The following HIKESHI variants were observed in gnomAD, a reference collection of about 807,000 sequenced individuals.
HIKESHI encodes the protein heat shock protein nuclear import factor hikeshi, also known as protein Hikeshi.
A neutral mutation model predicts 25.7 loss-of-function variants in HIKESHI; 13 were observed. The observed-to-expected ratio is 0.51, with a 90% CI of 0.33 to 0.80. HIKESHI has a LOEUF of 0.80. Among genes scored for constraint, HIKESHI ranks in the 30% least tolerant of loss-of-function variants. HIKESHI has a pLI of 0.02. For missense variants in HIKESHI, 174 were observed against 229.5 expected (o/e 0.76, Z 1.56); for synonymous variants, 76 against 78.7 (o/e 0.97, Z 0.18).
At chr11:86,303,910 T>C (rs956342904) in intron 1 of HIKESHI, among the ~76,000 whole-genome samples, 8 of 152,192 alleles carry the variant, frequency 5.3e-5, no homozygotes, top group African/African-American at 1.7e-4. Flanking sequence ...CTATACAAAG[T>C]TGACACTTAA....
intron 2 of HIKESHI, among the ~76,000 whole-genome samples, chr11:86,327,536 G>T (rs562987650): frequency 2.0e-5 from 3 of 152,060 alleles, no homozygotes; most frequent in Admixed American, 2.0e-4. Flanking sequence ...GGATGGTCTC[G>T]ATCTCCTGAC....
At chr11:86,314,289 C>G (rs922886792) in intron 2 of HIKESHI, among the ~76,000 whole-genome samples, 1 of 151,988 alleles carries the variant, frequency 6.6e-6, no homozygotes, top group African/African-American at 2.4e-5. Context: ...GAGGAGGTAG[C>G]TGTTAGTGTT....
At chr11:86,305,528 A>G (rs1160722813) in intron 1 of HIKESHI, among the ~76,000 whole-genome samples, 2 of 148,580 alleles carry the variant, frequency 1.3e-5, no homozygotes, top group Non-Finnish European at 3.0e-5. Flanking sequence ...CTGGGATTAC[A>G]GGCACGTGCC....
intron 3 of HIKESHI, among the ~76,000 whole-genome samples, chr11:86,340,469 C>T (rs7117195): frequency 0.73 from 111,037 of 152,094 alleles, 41,053 homozygotes; most frequent in African/African-American, 0.84. Flanking sequence ...TGGTATCTCA[C>T]TGTGGTTTTG....
rs907072626 is a variant in HIKESHI, at chr11:86,302,434, G to T, written c.-15G>T. On this transcript the variant is annotated 5_prime_UTR_variant, in exon 1 of 5. Transcript: ENST00000278483. ...GGCTTCAGGTCACTGCCGGCTGAAC[G>T]GAGCTGCCGTCGCCATGTTTGGCTG... 2.6e-6 allele frequency: 4 copies of T among 1,552,840 alleles called. No individual in the cohort carries two copies. The highest frequency in any genetic ancestry group is 3.5e-6 in the Non-Finnish European group (4 of 1,147,838).
chr11:86,311,937 AT>A (rs1234425251), intron 2 of HIKESHI, among the ~76,000 whole-genome samples: 1 of 151,936 alleles, frequency 6.6e-6, no homozygotes. Flanking sequence ...GTTTGTTATA[AT>A]TTTTTTTCTT....
intron 2 of HIKESHI, among the ~76,000 whole-genome samples, chr11:86,309,201 T>TC (rs1413984633): frequency 2.0e-5 from 3 of 152,204 alleles, no homozygotes; most frequent in South Asian, 4.1e-4. Context: ...GTAAAAGTGT[T>TC]CTATTTCTCC....
chr11:86,304,209 T>C (rs905803259), intron 1 of HIKESHI, among the ~76,000 whole-genome samples: 6 of 152,184 alleles, frequency 3.9e-5, no homozygotes, highest in East Asian at 3.8e-4. Context: ...AACTAATAGA[T>C]AGTTGAAATT....
intron 3 of HIKESHI, among the ~76,000 whole-genome samples, chr11:86,339,330 G>T (rs1265490578): frequency 1.3e-5 from 2 of 152,208 alleles, no homozygotes; most frequent in Non-Finnish European, 2.9e-5. Flanking sequence ...TTTCAGGCGT[G>T]AGCCACCGCG....
In HIKESHI at chr11:86,302,376, A is replaced by G. The variant is rs1048841064; in HGVS notation, c.-73A>G. ...AAATTCTGGAAGGTTCTTAGTCTCG[A>G]CTAGGGCAGTAGCCCCAGGACTCCT... On this transcript the variant is annotated 5_prime_UTR_variant, in exon 1 of 5. Coordinates refer to ENST00000278483, the MANE Select transcript of HIKESHI (RefSeq NM_016401.4). 60 of 1,539,244 alleles carry G rather than the reference A, an allele frequency of 3.9e-5. No homozygotes were observed. The highest frequency in any genetic ancestry group is 5.2e-5 in the Non-Finnish European group (59 of 1,137,460).
chr11:86,315,683 A>AAGAGTTTACCACTTAT (rs58040097), intron 2 of HIKESHI, among the ~76,000 whole-genome samples: 2 of 151,764 alleles, frequency 1.3e-5, no homozygotes, highest in Non-Finnish European at 2.9e-5. Context: ...GATGAAGATG[A>AAGAGTTTACCACTTAT]AGACCATTAG....
chr11:86,341,692 C>G (rs936636796), intron 3 of HIKESHI, among the ~76,000 whole-genome samples: 1 of 152,062 alleles, frequency 6.6e-6, no homozygotes, highest in Non-Finnish European at 1.5e-5. Flanking sequence ...GTTGCCCAGA[C>G]TGTCCTTTCT....
At chr11:86,333,068 A>C (rs998346823) in intron 2 of HIKESHI, among the ~76,000 whole-genome samples, 2 of 152,220 alleles carry the variant, frequency 1.3e-5, no homozygotes, top group Admixed American at 6.5e-5. Context: ...GAAGTTTCAC[A>C]ATTATTAGAC....
chr11:86,319,362 C>A (rs990894213), intron 2 of HIKESHI, among the ~76,000 whole-genome samples: 1 of 150,474 alleles, frequency 6.6e-6, no homozygotes, highest in Non-Finnish European at 1.5e-5. Flanking sequence ...CTCAGCCTCC[C>A]GAGGAGCTAG....
intron 2 of HIKESHI, among the ~76,000 whole-genome samples, chr11:86,316,276 C>A (rs943583165): frequency 4.8e-4 from 73 of 151,198 alleles, no homozygotes; most frequent in African/African-American, 1.8e-3. Context: ...TTTGGGAGGC[C>A]AAGGTAGGTG....
In HIKESHI at chr11:86,309,230, G is replaced by T. The variant is rs1213415362; in HGVS notation, c.268+2748G>T. 3.3e-5 allele frequency among the ~76,000 whole-genome samples: 5 copies of T among 152,260 alleles called. No individual in the cohort carries two copies. The East Asian group carries it at 9.6e-4, about 29-fold the overall frequency. On this transcript the variant is annotated intron_variant, in intron 2 of 4. Transcript: ENST00000278483. ...TTTCTCCACATCCTCTCCAGCACCT[G>T]TTGTTTCCTGGCTTTTTAATGATCA...
Position 86,306,233 on chromosome 11 carries a change from C to G in HIKESHI, c.31-12C>G. On this transcript the variant is annotated splice_polypyrimidine_tract_variant and intron_variant, in intron 1 of 4. Transcript: ENST00000278483. ...AGAACCATTGAACTGAGACAAGTTT[C>G]TTATTTTCTAGGTGCAAACAGCTGC... 2.5e-6 allele frequency: 4 copies of G among 1,589,384 alleles called. No homozygotes were observed. Among genetic ancestry groups the G allele is most frequent in the Non-Finnish European group, 2.6e-6 (3 of 1,159,954 alleles).
chr11:86,339,563 C>T (rs1947665544), intron 3 of HIKESHI, among the ~76,000 whole-genome samples: 1 of 152,194 alleles, frequency 6.6e-6, no homozygotes, highest in Non-Finnish European at 1.5e-5. Flanking sequence ...TGCTTCTCTT[C>T]CTGCCTTTTA....
chr11:86,344,436 G>A (rs1593883715), intron 3 of HIKESHI, 167 bp from the exon 4 acceptor site: 1 of 452,514 alleles, frequency 2.2e-6, no homozygotes, highest in African/African-American at 2.0e-5. Context: ...CCAAAGTTTT[G>A]GGATTACAGG....
Sources: allele counts gnomAD v4.1 joint callset (sites outside exome capture counted in the v4.1 genomes callset), GRCh38; gene constraint gnomAD v4.1.1; transcripts MANE v1.5; gene names NCBI Gene and HGNC (gene_info 2026-07-23, HGNC 2026-07-21).